The following AKR1C2 variants were observed in gnomAD, a reference collection of about 807,000 sequenced individuals.
AKR1C2 encodes the protein aldo-keto reductase family 1 member C2, also known as 3-alpha-HSD3.
Under a neutral mutation model 39.8 loss-of-function variants are expected in AKR1C2, and 27 were observed. That is an observed-to-expected ratio of 0.68 (90% CI 0.50 to 0.93). The LOEUF (loss-of-function observed/expected upper bound fraction) is 0.93, where lower values mean the gene tolerates loss of function less well. AKR1C2 is among the 40% of genes least tolerant of loss of function. The pLI is 0.00. For synonymous variants in AKR1C2, 114 were observed against 137.9 expected (o/e 0.83, Z 1.22); for missense variants, 263 against 365.1 (o/e 0.72, Z 2.28).
chr10:4,999,468 C>T (rs1382029166), intron 3 of AKR1C2, 191 bp from the exon 4 acceptor site: 1 of 1,181,032 alleles, frequency 8.5e-7, no homozygotes, highest in Non-Finnish European at 1.2e-6. Context: ...TTCCTCTAAT[C>T]TCTTACACCT....
At chr10:4,998,512 T>C (rs1160284511) in intron 5 of AKR1C2, 113 bp downstream of exon 5, 1 of 1,537,300 alleles carries the variant, frequency 6.5e-7, no homozygotes, top group African/African-American at 1.4e-5. Context: ...GGCTTTGTTC[T>C]CTAGAATCTT....
Position 4,998,642 on chromosome 10 carries a change from T to G in AKR1C2, c.553A>C (p.Lys185Gln), listed in dbSNP as rs2518043. 1.1e-5 allele frequency: 18 copies of G among 1,614,006 alleles called. No individual in the cohort carries two copies. The South Asian group carries it at 1.8e-4, about 16-fold the overall frequency. The change falls in exon 5 of 9, where the codon AAG becomes CAG. Residue 185 changes from lysine to glutamine, a missense_variant. Transcript: ENST00000380753. Reference protein sequence around the residue: ...MILNKPGLKYKPVCNQVECHP... With the variant: ...MILNKPGLKYQPVCNQVECHP... ...GCGCTCACCTGGTTGCAGACAGGCT[T>G]GTACTTGAGCCCTGGCTTGTTGAGG...
intron 1 of AKR1C2, among the ~76,000 whole-genome samples, chr10:5,003,160 T>C (rs1241078393): frequency 1.3e-5 from 2 of 151,920 alleles, no homozygotes; most frequent in Non-Finnish European, 2.9e-5. Flanking sequence ...ATCTGACCCA[T>C]ATTAACAAAG....
intron 1 of AKR1C2, among the ~76,000 whole-genome samples, chr10:5,012,673 G>C (rs11252884): frequency 0.35 from 52,841 of 151,934 alleles, 9,864 homozygotes; most frequent in Non-Finnish European, 0.41. Context: ...CCTGTTGAAC[G>C]AGATTTTGGA....
chr10:4,999,278 C>G lies in AKR1C2; in HGVS notation c.370-1G>C, dbSNP rs1564330921. ...CTTTTGGGATCACTTCCTCACCTGG[C>G]TGAAGTAGAAGCAGTCAGTTTAGTG... On this transcript the variant is annotated splice_acceptor_variant, in intron 3 of 8. Coordinates refer to ENST00000380753, the MANE Select transcript of AKR1C2 (RefSeq NM_001393392.1). LOFTEE classifies it high-confidence loss of function. 6.3e-7 allele frequency: 1 copy of G among 1,596,284 alleles called. No homozygotes were observed. The highest frequency in any genetic ancestry group is 1.3e-5 in the African/African-American group (1 of 74,516).
upstream of AKR1C2, among the ~76,000 whole-genome samples, chr10:5,006,785 C>CT (rs57936312): frequency 1.1e-3 from 160 of 144,728 alleles, 1 homozygote; most frequent in South Asian, 2.8e-3. Context: ...ATTTCAGCCT[C>CT]TTTTTTTTTT....
rs375776602 is a variant in AKR1C2 at position 4,989,976 on chromosome 10, C to T, written c.*20G>A. 1 of 1,605,042 alleles carries T rather than the reference C, an allele frequency of 6.2e-7. No individual in the cohort carries two copies. The highest frequency in any genetic ancestry group is 1.3e-5 in the African/African-American group (1 of 74,544). Reference sequence around the variant, plus strand: ...CCACACGCAGGGCCTTCTGGCAGACCTCATGCAATGCCCTCCATGTTAATA... The same window carrying T: ...CCACACGCAGGGCCTTCTGGCAGACTTCATGCAATGCCCTCCATGTTAATA... On this transcript the variant is annotated 3_prime_UTR_variant, in exon 9 of 9. Transcript: ENST00000380753.
upstream of AKR1C2, among the ~76,000 whole-genome samples, chr10:5,007,165 T>C (rs1837423990): frequency 5.4e-5 from 8 of 147,026 alleles, no homozygotes; most frequent in African/African-American, 2.0e-4. Flanking sequence ...CAAGAAATGC[T>C]TAAGAGAGTC....
chr10:4,989,870 A>T lies in AKR1C2; in HGVS notation c.*126T>A. The T allele has an allele frequency of 2.9e-6, 4 of 1,400,830 alleles. No individual in the cohort carries two copies. Among genetic ancestry groups the T allele is most frequent in the Non-Finnish European group, 3.9e-6 (4 of 1,018,446 alleles). The allele number at this position is 1,400,830 out of a possible 1,614,324, so 86.8% of individuals were successfully genotyped here. On this transcript the variant is annotated 3_prime_UTR_variant, in exon 9 of 9. Transcript: ENST00000380753. ...CGGCCGATGGGCTTAGCTGTAGCTTACTGAAGTCGCCAAGCAGGAGAGATT... is the reference window on the plus strand; with the variant it reads ...CGGCCGATGGGCTTAGCTGTAGCTTTCTGAAGTCGCCAAGCAGGAGAGATT...
chr10:4,994,006 T>C (rs1224003750), intron 7 of AKR1C2, among the ~76,000 whole-genome samples: 1 of 151,758 alleles, frequency 6.6e-6, no homozygotes, highest in African/African-American at 2.4e-5. Flanking sequence ...TTGTCATTTT[T>C]TATTCTCTCG....
chr10:5,001,368 T>A (rs1448606547), intron 2 of AKR1C2, 146 bp downstream of exon 2: 20 of 1,390,788 alleles, frequency 1.4e-5, no homozygotes, highest in Non-Finnish European at 1.5e-5. Flanking sequence ...CTGCCTTTGA[T>A]ATTAGTTTTA....
upstream of AKR1C2, among the ~76,000 whole-genome samples, chr10:5,008,856 G>C (rs186732719): frequency 1.3e-5 from 2 of 151,128 alleles, no homozygotes; most frequent in Admixed American, 6.6e-5. Flanking sequence ...ACAAAATGAT[G>C]TTTGCCAGCA....
chr10:5,011,871 A>C (rs1837530561), intron 1 of AKR1C2, among the ~76,000 whole-genome samples: 1 of 152,192 alleles, frequency 6.6e-6, no homozygotes, highest in African/African-American at 2.4e-5. Flanking sequence ...AAGTGTGTTA[A>C]AGTTAAAGGT....
Position 5,001,588 on chromosome 10 carries a change from G to T in AKR1C2, c.178C>A (p.Gln60Lys). The T allele has an allele frequency of 6.2e-7, 1 of 1,613,948 alleles. No individual in the cohort carries two copies. ...TTGCTTCGGATGGCCAGTCCAACCT[G>T]CTCCTCATTATTGTAAACATGTGCA... ...DSAHVYNNEE[Q>K]VGLAIRSKIA... Residue 60 changes from glutamine (Q) to lysine (K), a missense_variant, in exon 2 of 9, where the codon CAG (glutamine) becomes AAG (lysine). Physicochemically the swap from Gln to Lys is moderately conservative, Grantham distance 53. Around this residue, in one of 3 missense-constraint regions of AKR1C2, gnomAD observed 247 missense variants for 267.9 expected, o/e 0.92. Coordinates refer to ENST00000380753, the MANE Select transcript of AKR1C2 (RefSeq NM_001393392.1).
rs1554774130 is a variant in AKR1C2, at chr10:5,003,832, C to G, written c.4G>C (p.Asp2His). The G allele has an allele frequency of 2.5e-6, 4 of 1,614,118 alleles. No individual in the cohort carries two copies. Among genetic ancestry groups the G allele is most frequent in the Middle Eastern group, 1.6e-4 (1 of 6,062 alleles). Reference sequence around the variant, plus strand: ...AGCTTCACACACTGGTATTTCGAATCCATTTCTGTCACTGGCCTGGTTAGC... The same window carrying G: ...AGCTTCACACACTGGTATTTCGAATGCATTTCTGTCACTGGCCTGGTTAGC... M[D>H]SKYQCVKLND... Residue 2 changes from aspartate (D) to histidine (H), a missense_variant, in exon 1 of 9, where the codon GAT becomes CAT. This residue lies in a region of AKR1C2 where 247 missense variants were observed against 267.9 expected (regional missense o/e 0.92). Transcript: ENST00000380753.
Position 4,988,490 on chromosome 10 carries a change from C to T in AKR1C2, c.*1506G>A, listed in dbSNP as rs782765357. On this transcript the variant is annotated 3_prime_UTR_variant, in exon 9 of 9. Transcript: ENST00000380753. ...TGCAGAGAATATCTAAGATCATCAA[C>T]GGAATGAGAGTAGACCAGAAATAAT... 6 of 152,144 alleles carry T rather than the reference C, an allele frequency of 3.9e-5. No homozygotes were observed. Among genetic ancestry groups the T allele is most frequent in the Non-Finnish European group, 7.3e-5 (5 of 68,030 alleles). The allele number at this position is 152,144 out of a possible 1,614,324, so 9.4% of individuals were successfully genotyped here.
chr10:5,000,474 T>C, intron 3 of AKR1C2, 76 bp downstream of exon 3: 1 of 1,612,990 alleles, frequency 6.2e-7, no homozygotes, highest in East Asian at 2.2e-5. Context: ...AGAAAAAGCT[T>C]AGTTCAAATC....
chr10:5,012,424 G>A (rs564613370), intron 1 of AKR1C2, among the ~76,000 whole-genome samples: 16 of 151,550 alleles, frequency 1.1e-4, no homozygotes, highest in African/African-American at 3.6e-4. Flanking sequence ...GAATCATCTG[G>A]ATGGGCAATG....
rs199743770 is a variant in AKR1C2, at chr10:4,991,646, A to G, written c.929+185T>C. Among the ~76,000 whole-genome samples the G allele has an allele frequency of 0.23, 30,656 of 131,430 alleles. 3,240 individuals carry two copies. Among genetic ancestry groups the G allele is most frequent in the Middle Eastern group, 0.32 (84 of 264 alleles). 86.2% of individuals were successfully genotyped at this position (131,430 alleles called of 152,430 possible). A position where few individuals can be genotyped will look rare whatever the true frequency, so the allele number is the denominator to read the frequency against. On this transcript the variant is annotated intron_variant, in intron 8 of 8. Transcript: ENST00000380753. ...GCACAGGTTGACCCATGCTGACCCC[A>G]GGCCACTCTCCCTGCCAGAGAACAG...
Sources: allele counts gnomAD v4.1 joint callset (sites outside exome capture counted in the v4.1 genomes callset), GRCh38; gene constraint gnomAD v4.1.1; regional missense constraint gnomAD v4.1.1; transcripts MANE v1.5; gene names NCBI Gene and HGNC (gene_info 2026-07-23, HGNC 2026-07-21).